Variants in FBXL20 observed in about 807,000 individuals in gnomAD.
FBXL20 encodes the protein F-box/LRR-repeat protein 20.
Under a neutral mutation model 64.0 loss-of-function variants are expected in FBXL20, and 11 were observed. That is an observed-to-expected ratio of 0.17 (90% confidence interval 0.11 to 0.28). The LOEUF (loss-of-function observed/expected upper bound fraction) is 0.28. Among genes scored for constraint, FBXL20 ranks in the 10% least tolerant of loss-of-function variants. The pLI is 1.00. For synonymous variants in FBXL20, 184 were observed against 189.0 expected (o/e 0.97, Z 0.22); for missense variants, 303 against 526.2 (o/e 0.58, Z 4.15).
chr17:39,352,271 G>A (rs8071300), intron 1 of FBXL20, among the ~76,000 whole-genome samples: 5 of 151,912 alleles, frequency 3.3e-5, no homozygotes, highest in East Asian at 1.9e-4. Context: ...GGTGTGTGCC[G>A]GTAGTTCCAG....
chr17:39,372,516 C>CAAAAAAAAAAA (rs747264126), intron 1 of FBXL20, among the ~76,000 whole-genome samples: 1 of 41,162 alleles, frequency 2.4e-5, no homozygotes, highest in East Asian at 1.0e-3. Context: ...AGACTCTGAC[C>CAAAAAAAAAAA]AAAAAAAAAA....
intron 1 of FBXL20, among the ~76,000 whole-genome samples, chr17:39,394,278 C>CTTT (rs529406292): frequency 4.5e-5 from 6 of 134,304 alleles, no homozygotes; most frequent in African/African-American, 1.4e-4. Context: ...ATTACTGAAA[C>CTTT]TTTTTTTTTT....
At chr17:39,393,213 C>T (rs1215600896) in intron 1 of FBXL20, among the ~76,000 whole-genome samples, 1 of 151,922 alleles carries the variant, frequency 6.6e-6, no homozygotes, top group East Asian at 1.9e-4. Context: ...CACTTGAACC[C>T]AGGAGGCAGA....
Position 39,283,166 on chromosome 17 carries a change from G to A in FBXL20, c.495-311C>T, listed in dbSNP as rs536439570. Among the ~76,000 whole-genome samples the A allele has an allele frequency of 3.9e-5, 6 of 152,222 alleles. No homozygotes were observed. The South Asian group carries it at 1.2e-3, about 32-fold the overall frequency. ...TCTAGACAAAAAATGGAAATTAAGT[G>A]ATTTATTCTAGTTTACAGAGTAATT... On this transcript the variant is annotated intron_variant, in intron 7 of 14. Transcript: ENST00000264658.
chr17:39,262,844 A>C (rs1320483607), intron 14 of FBXL20, among the ~76,000 whole-genome samples: 1 of 151,552 alleles, frequency 6.6e-6, no homozygotes, highest in African/African-American at 2.4e-5. Flanking sequence ...TAAAAATACA[A>C]AAAGAAAATT....
chr17:39,316,243 T>C (rs1205176056), intron 2 of FBXL20, among the ~76,000 whole-genome samples: 1 of 152,144 alleles, frequency 6.6e-6, no homozygotes, highest in African/African-American at 2.4e-5. Flanking sequence ...TATATACAGA[T>C]ATAAACATAC....
intron 12 of FBXL20, among the ~76,000 whole-genome samples, chr17:39,268,471 G>C (rs2144349225): frequency 6.6e-6 from 1 of 152,288 alleles, no homozygotes; most frequent in South Asian, 2.1e-4. Flanking sequence ...AGGGATCTAG[G>C]ATACAGCAAA....
At chr17:39,383,161 CAAAAA>C (rs544953840) in intron 1 of FBXL20, among the ~76,000 whole-genome samples, 1 of 50,262 alleles carries the variant, frequency 2.0e-5, no homozygotes. Flanking sequence ...GACTCTGTCT[CAAAAA>C]AAAAAAAAAA....
intron 6 of FBXL20, among the ~76,000 whole-genome samples, chr17:39,291,025 G>A (rs972846233): frequency 4.0e-5 from 6 of 150,898 alleles, no homozygotes; most frequent in East Asian, 1.9e-4. Flanking sequence ...GCAGTGGCGC[G>A]ATCTCGGCTC....
intron 2 of FBXL20, 25 bp from the exon 3 acceptor site, chr17:39,303,664 A>C (rs376129048): frequency 6.3e-7 from 1 of 1,586,312 alleles, no homozygotes; most frequent in Non-Finnish European, 8.6e-7. Context: ...GAGAAAGACA[A>C]ATTTTATTGT....
chr17:39,308,100 G>A (rs755115459), intron 2 of FBXL20, among the ~76,000 whole-genome samples: 1 of 152,112 alleles, frequency 6.6e-6, no homozygotes, highest in Non-Finnish European at 1.5e-5. Context: ...CACTCTGGGA[G>A]GCCAAGGCAG....
chr17:39,370,543 T>C (rs1480990738), intron 1 of FBXL20, among the ~76,000 whole-genome samples: 3 of 150,490 alleles, frequency 2.0e-5, no homozygotes, highest in Admixed American at 1.3e-4. Flanking sequence ...TCCCAGCACT[T>C]TGGGAGGCCG....
intron 1 of FBXL20, among the ~76,000 whole-genome samples, chr17:39,392,479 T>C (rs1052702095): frequency 2.0e-5 from 3 of 149,746 alleles, no homozygotes; most frequent in Non-Finnish European, 4.4e-5. Flanking sequence ...AAAACAAAAG[T>C]AGCTCTTTTT....
At chr17:39,392,341 G>A (rs1404644180) in intron 1 of FBXL20, among the ~76,000 whole-genome samples, 1 of 151,222 alleles carries the variant, frequency 6.6e-6, no homozygotes, top group Non-Finnish European at 1.5e-5. Context: ...TCAGGAGGCT[G>A]AGGCACCAGA....
chr17:39,395,490 T>G (rs1458099049), intron 1 of FBXL20, among the ~76,000 whole-genome samples: 1 of 152,110 alleles, frequency 6.6e-6, no homozygotes, highest in Non-Finnish European at 1.5e-5. Context: ...ACAACACTAT[T>G]CAAAAAGGAC....
intron 6 of FBXL20, among the ~76,000 whole-genome samples, chr17:39,287,868 T>C (rs1240462946): frequency 6.6e-6 from 1 of 152,180 alleles, no homozygotes; most frequent in East Asian, 1.9e-4. Flanking sequence ...TCCAAATCCT[T>C]GTCAACACTT....
chr17:39,269,623 C>G (rs1319475523), intron 11 of FBXL20, among the ~76,000 whole-genome samples: 1 of 151,966 alleles, frequency 6.6e-6, no homozygotes, highest in African/African-American at 2.4e-5. Context: ...CTCAGCCTCC[C>G]AAGTAGCTGG....
chr17:39,334,092 T>G (rs2144547933), intron 2 of FBXL20, among the ~76,000 whole-genome samples: 1 of 152,242 alleles, frequency 6.6e-6, no homozygotes, highest in East Asian at 1.9e-4. Flanking sequence ...TAGAAAGAAG[T>G]AGACATAGGA....
chr17:39,399,614 T>TC (rs1449829424), intron 1 of FBXL20, among the ~76,000 whole-genome samples: 5 of 152,250 alleles, frequency 3.3e-5, no homozygotes, highest in African/African-American at 1.2e-4. Context: ...CAAGAAGGAC[T>TC]CCCCACCTTA....
Sources: gnomAD v4.1 joint callset for allele counts (sites outside exome capture counted in the v4.1 genomes callset) on GRCh38, gnomAD v4.1.1 for gene constraint, MANE v1.5 for transcripts, NCBI Gene and HGNC (gene_info 2026-07-23, HGNC 2026-07-21) for gene names.